The following NFATC1 variants were observed in gnomAD, a reference collection of about 807,000 sequenced individuals.
NFATC1 encodes the protein nuclear factor of activated T cells 1, also known as nuclear factor of activated T-cells, cytoplasmic 1.
NFATC1 carries 22 observed loss-of-function variants against 76.0 expected under a neutral mutation model. The observed-to-expected ratio is 0.29, with a 90% confidence interval of 0.21 to 0.41. The LOEUF is 0.41. Among genes scored for constraint, NFATC1 ranks in the 10% least tolerant of loss-of-function variants. The pLI, the probability that NFATC1 is intolerant of heterozygous loss-of-function variation, is 1.00. For synonymous variants in NFATC1, 704 were observed against 613.1 expected, an observed-to-expected ratio of 1.15 and a Z score of -2.19; for missense variants, 1,357 against 1,337.7, an observed-to-expected ratio of 1.01 and a Z score of -0.23.
chr18:79,401,697 G>A (rs766646939), intron 1 of NFATC1, among the ~76,000 whole-genome samples: 15 of 152,366 alleles, frequency 9.8e-5, no homozygotes, highest in South Asian at 6.2e-4. Context: ...GGTGAAAGTC[G>A]GTCCCATGAG....
chr18:79,467,133 C>A (rs1025051992), intron 7 of NFATC1, among the ~76,000 whole-genome samples: 2 of 152,258 alleles, frequency 1.3e-5, no homozygotes, highest in African/African-American at 2.4e-5. Context: ...GGAAGCCTCT[C>A]GGCTCCTGGG....
intron 2 of NFATC1, among the ~76,000 whole-genome samples, chr18:79,418,516 C>T (rs1246342319): frequency 3.9e-5 from 6 of 152,210 alleles, no homozygotes; most frequent in Non-Finnish European, 5.9e-5. Context: ...CTTCTGCTCT[C>T]GTCACCAAGA....
chr18:79,410,936 T>C lies in NFATC1; in HGVS notation c.661T>C (p.Phe221Leu). The C allele has an allele frequency of 1.2e-6, 2 of 1,603,936 alleles. No individual in the cohort carries two copies. Among genetic ancestry groups the C allele is most frequent in the Non-Finnish European group, 1.7e-6 (2 of 1,176,150 alleles). ...SPKTTDPEEG[F>L]PRGLGACTLL... is the part of the protein sequence containing the mutation. ...CAAGACCACGGACCCCGAGGAGGGCTTTCCCCGCGGGCTGGGGGCCTGCAC... is the reference window on the plus strand; with the variant it reads ...CAAGACCACGGACCCCGAGGAGGGCCTTCCCCGCGGGCTGGGGGCCTGCAC... The change falls in exon 2 of 10, where the codon TTT becomes CTT. Residue 221 changes from phenylalanine (F) to leucine (L), a missense_variant. This residue lies in a region of NFATC1 where 691 missense variants were observed against 613.1 expected (regional missense o/e 1.13). Transcript: ENST00000427363. This position sits in a 1 kb window ranked among gnomAD's most constrained non-coding sequence, Gnocchi z 6.7.
intron 3 of NFATC1, among the ~76,000 whole-genome samples, chr18:79,444,097 G>A (rs2087094259): frequency 6.6e-6 from 1 of 152,212 alleles, no homozygotes; most frequent in Admixed American, 6.5e-5. Context: ...GGCCAAACAG[G>A]TAGAAATAAA....
intron 3 of NFATC1, among the ~76,000 whole-genome samples, chr18:79,441,763 T>C (rs2086985165): frequency 6.6e-6 from 1 of 152,136 alleles, no homozygotes; most frequent in East Asian, 1.9e-4. Flanking sequence ...TTCTGTGTGC[T>C]TCTGGCCCTG....
At chr18:79,483,935 A>C (rs1262233938) in intron 8 of NFATC1, among the ~76,000 whole-genome samples, 2 of 134,580 alleles carry the variant, frequency 1.5e-5, no homozygotes, top group Admixed American at 1.5e-4. Context: ...CTCCAGCGTG[A>C]CCTGGTTCCT....
chr18:79,486,171 G>T lies in NFATC1; in HGVS notation c.2093-77G>T, dbSNP rs1220786452. The stretch of plus-strand genomic sequence containing the variant: ...CAGGGCCCTGTTGGTTTTGCGGAGG[G>T]TGCCCCAGCCACAAGCCTGCCTGAT... On this transcript the variant is annotated intron_variant, in intron 8 of 9. Coordinates refer to ENST00000427363, the MANE Select transcript of NFATC1 (RefSeq NM_001278669.2). 6.5e-5 allele frequency: 90 copies of T among 1,384,974 alleles called. 1 individual carries two copies. In the South Asian group the frequency reaches 1.2e-3, roughly 19 times the overall value. 85.8% of individuals were successfully genotyped at this position (1,384,974 alleles called of 1,614,324 possible).
Position 79,433,570 on chromosome 18 carries a change from C to T in NFATC1, c.1227-9C>T. The T allele has an allele frequency of 6.2e-7, 1 of 1,612,912 alleles. No individual in the cohort carries two copies. Among genetic ancestry groups the T allele is most frequent in the East Asian group, 2.2e-5 (1 of 44,874 alleles). On this transcript the variant is annotated splice_polypyrimidine_tract_variant and intron_variant, in intron 2 of 9. Coordinates refer to ENST00000427363, the MANE Select transcript of NFATC1 (RefSeq NM_001278669.2). ...TGCTGAACGCCTCCTCTGCTCTGTT[C>T]CCTTCCAGCCCGACCCTGCCCGCCC...
intron 4 of NFATC1, 88 bp from the exon 5 acceptor site, chr18:79,450,866 G>T: frequency 6.7e-7 from 1 of 1,497,160 alleles, no homozygotes; most frequent in Non-Finnish European, 9.0e-7. Flanking sequence ...GTGGGGCTGG[G>T]ATGAGGGCCA....
chr18:79,450,017 C>T lies in NFATC1; in HGVS notation c.1590-937C>T, dbSNP rs573592904. 1.2e-4 allele frequency among the ~76,000 whole-genome samples: 18 copies of T among 152,330 alleles called. No homozygotes were observed. The East Asian group carries it at 3.5e-3, about 29-fold the overall frequency. On this transcript the variant is annotated intron_variant, in intron 4 of 9. Transcript: ENST00000427363. ...CTCGAGAGCTGTAATCCAAGTTTCC[C>T]GCAGACAGGGCACAGTCAGGTGCGT...
Position 79,495,165 on chromosome 18 carries a change from G to C in NFATC1, c.2782+8228G>C, listed in dbSNP as rs1009399172. The stretch of plus-strand genomic sequence containing the variant: ...GTGCACATCCCGTGTGGGTGCTGTT[G>C]CAGGTCTCCCGCCGTGGCGTGCAGG... On this transcript the variant is annotated intron_variant, in intron 9 of 9. Coordinates refer to ENST00000427363, the MANE Select transcript of NFATC1 (RefSeq NM_001278669.2). Among the ~76,000 whole-genome samples, 3 of 152,256 alleles carry C rather than the reference G, an allele frequency of 2.0e-5. 1 individual carries two copies. The highest frequency in any genetic ancestry group is 7.2e-5 in the African/African-American group (3 of 41,474).
chr18:79,425,271 C>CTCTGTTTCTCTCTCTCTGTCTCTG (rs1555903020), intron 2 of NFATC1, among the ~76,000 whole-genome samples: 2 of 111,612 alleles, frequency 1.8e-5, no homozygotes, highest in African/African-American at 3.0e-5. Flanking sequence ...GTCTCTGTCT[C>CTCTGTTTCTCTCTCTCTGTCTCTG]TCTCTCTGTC....
chr18:79,400,328 C>A (rs1249486112), intron 1 of NFATC1: 2 of 1,353,656 alleles, frequency 1.5e-6, no homozygotes, highest in Non-Finnish European at 1.9e-6. Flanking sequence ...CGGGCAGCGC[C>A]GGGAGAACCG....
intron 2 of NFATC1, among the ~76,000 whole-genome samples, chr18:79,413,085 C>G (rs1395634030): frequency 6.6e-6 from 1 of 152,208 alleles, no homozygotes; most frequent in Non-Finnish European, 1.5e-5. Flanking sequence ...GGCACTGACT[C>G]TCCAGCCCAC....
rs189757547 is a variant in NFATC1, at chr18:79,451,872, G to A, written c.1903+56G>A. 1.0e-4 allele frequency: 158 copies of A among 1,557,366 alleles called. No homozygotes were observed. In the East Asian group the frequency reaches 2.8e-3, roughly 28 times the overall value. ...CTGGGCTTCGGCGCTGGTGGGAACC[G>A]GTTCCCAGTCGGTGGAGCAGGACCC... is the stretch of plus-strand genomic sequence containing the variant. On this transcript the variant is annotated intron_variant, in intron 6 of 9. Coordinates refer to ENST00000427363, the MANE Select transcript of NFATC1 (RefSeq NM_001278669.2).
At chr18:79,408,680 G>C (rs1043700419) in intron 1 of NFATC1, among the ~76,000 whole-genome samples, 1 of 152,186 alleles carries the variant, frequency 6.6e-6, no homozygotes, top group African/African-American at 2.4e-5. Context: ...GTTAAAATCT[G>C]TTTACATATG....
intron 6 of NFATC1, among the ~76,000 whole-genome samples, chr18:79,459,866 G>A (rs755018973): frequency 3.0e-4 from 45 of 152,192 alleles, no homozygotes; most frequent in Admixed American, 5.2e-4. Flanking sequence ...CATCTGGGCT[G>A]GGGGCTTCTG....
At chr18:79,425,047 GTCTCTGTTTCTCTC>G (rs1437313524) in intron 2 of NFATC1, among the ~76,000 whole-genome samples, 5 of 137,180 alleles carry the variant, frequency 3.6e-5, no homozygotes, top group Non-Finnish European at 6.3e-5. Flanking sequence ...CTCTCTCTCC[GTCTCTGTTTCTCTC>G]TCTGTTTCTC....
At chr18:79,508,375 G>T (rs2090166991) in intron 9 of NFATC1, among the ~76,000 whole-genome samples, 1 of 152,194 alleles carries the variant, frequency 6.6e-6, no homozygotes, top group Admixed American at 6.5e-5. Flanking sequence ...CAGGGCAGCG[G>T]CGTGCGTGTG....
Sources: allele counts gnomAD v4.1 joint callset (sites outside exome capture counted in the v4.1 genomes callset), GRCh38; gene constraint gnomAD v4.1.1; regional missense constraint gnomAD v4.1.1; non-coding constraint Gnocchi (gnomAD v3.1); transcripts MANE v1.5; gene names NCBI Gene and HGNC (gene_info 2026-07-23, HGNC 2026-07-21).